The following SF3B3 variants were observed in gnomAD, a reference collection of about 807,000 sequenced individuals.
The protein encoded by SF3B3 is splicing factor 3b subunit 3.
SF3B3 carries 33 observed loss-of-function variants against 139.2 expected under a neutral mutation model. The ratio of observed to expected loss-of-function variants is 0.24; its 90% CI spans 0.18 to 0.32. The LOEUF (loss-of-function observed/expected upper bound fraction) is 0.32. Ranked by LOEUF, SF3B3 falls within the 10% of genes least tolerant of loss-of-function variation. SF3B3 has a pLI of 1.00. For missense variants in SF3B3, 818 were observed against 1,509.4 expected, an observed-to-expected ratio of 0.54 and a Z score of 7.59; for synonymous variants, 596 against 563.6, an observed-to-expected ratio of 1.06 and a Z score of -0.81.
At chr16:70,526,428 G>A (rs185304567) in intron 1 of SF3B3, among the ~76,000 whole-genome samples, 159 bp from the exon 2 acceptor site, 2 of 152,186 alleles carry the variant, frequency 1.3e-5, no homozygotes, top group South Asian at 2.1e-4. Flanking sequence ...AGCTGGTCTC[G>A]AACTCCTGAC....
Position 70,560,570 on chromosome 16 carries a change from C to G in SF3B3, c.2112C>G (p.Val704=). The G allele has an allele frequency of 6.2e-7, 1 of 1,613,704 alleles. No individual in the cohort carries two copies. The highest frequency in any genetic ancestry group is 8.5e-7 in the Non-Finnish European group (1 of 1,179,704). ...CCCGTCCTGTGAAGCTCTTCCGAGT[C>G]CGAATGCAAGGCCAGGAGGCAGTAA... ...LGSRPVKLFR[V]RMQGQEAVLA... Residue 704 remains valine (V), a synonymous_variant, in exon 16 of 26, where the codon GTC becomes GTG. Coordinates refer to ENST00000302516, the MANE Select transcript of SF3B3 (RefSeq NM_012426.5).
chr16:70,571,957 C>A lies in SF3B3; in HGVS notation c.*144C>A. ...ATGAAAGTCAACAGCTCTTTCCCCT[C>A]AGCTCTTCTCCTGGAATGACTGGCT... On this transcript the variant is annotated 3_prime_UTR_variant, in exon 26 of 26. Transcript: ENST00000302516. 1.0e-6 allele frequency: 1 copy of A among 979,330 alleles called. No homozygotes were observed. The highest frequency in any genetic ancestry group is 1.5e-6 in the Non-Finnish European group (1 of 656,430). 60.7% of individuals were successfully genotyped at this position (979,330 alleles called of 1,614,324 possible).
At chr16:70,553,193 A>G (rs1172221480) in intron 11 of SF3B3, among the ~76,000 whole-genome samples, 2 of 152,218 alleles carry the variant, frequency 1.3e-5, no homozygotes, top group African/African-American at 4.8e-5. Flanking sequence ...AAGTGCTGGG[A>G]TTACAGGCAT....
chr16:70,551,569 G>GC (rs1266318723), intron 11 of SF3B3, among the ~76,000 whole-genome samples: 2 of 152,164 alleles, frequency 1.3e-5, no homozygotes, highest in Non-Finnish European at 2.9e-5. Flanking sequence ...GGGTGTGGTG[G>GC]CACATGCCTG....
At chr16:70,563,170 A>G (rs1054198270) in intron 17 of SF3B3, among the ~76,000 whole-genome samples, 21 of 152,046 alleles carry the variant, frequency 1.4e-4, no homozygotes, top group Non-Finnish European at 3.1e-4. Context: ...GTGTTTCACC[A>G]TGTTACCCAG....
intron 2 of SF3B3, among the ~76,000 whole-genome samples, chr16:70,528,463 CCT>C (rs1491266857): frequency 1.8e-5 from 2 of 114,018 alleles, no homozygotes; most frequent in East Asian, 4.8e-4. Context: ...CTGTGCGTGG[CCT>C]TTTTTTTTTT....
At position 70,556,961 on chromosome 16, in the gene SF3B3, A is replaced by G. The variant is rs751935704; in HGVS notation, c.1942A>G (p.Thr648Ala). Residue 648 changes from threonine (T) to alanine (A), a missense_variant, in exon 15 of 26, where the codon ACT becomes GCT. Thr to Ala is a moderately conservative substitution (Grantham distance 58, BLOSUM62 0). Transcript: ENST00000302516. ...ESLCIVEMGG[T>A]EKQDELGERG... Reference sequence around the variant, plus strand: ...CTTGTGTATCGTGGAAATGGGTGGGACTGAGAAGCAGGATGAGCTGGGTGA... The same window carrying G: ...CTTGTGTATCGTGGAAATGGGTGGGGCTGAGAAGCAGGATGAGCTGGGTGA... The G allele has an allele frequency of 6.2e-7, 1 of 1,614,032 alleles. No homozygotes were observed. The highest frequency in any genetic ancestry group is 2.2e-5 in the East Asian group (1 of 44,878).
intron 9 of SF3B3, among the ~76,000 whole-genome samples, chr16:70,543,956 C>T (rs1490766112): frequency 6.6e-6 from 1 of 151,904 alleles, no homozygotes; most frequent in East Asian, 1.9e-4. Context: ...TGGGCTGAAG[C>T]GATTTTCCCA....
chr16:70,569,181 G>C, intron 23 of SF3B3, 40 bp downstream of exon 23: 1 of 1,416,136 alleles, frequency 7.1e-7, no homozygotes, highest in Admixed American at 1.9e-5. Flanking sequence ...ACACTGCTTA[G>C]CACTTTTCCT....
In SF3B3 at chr16:70,568,422, G is replaced by A. The variant is rs1432012892; in HGVS notation, c.3092G>A (p.Arg1031Gln). The A allele has an allele frequency of 1.5e-5, 25 of 1,614,014 alleles. No homozygotes were observed. The East Asian group carries it at 4.2e-4, about 27-fold the overall frequency. The change falls in exon 22 of 26, where the codon CGA becomes CAA. Residue 1031 changes from arginine (R) to glutamine (Q), a missense_variant. Coordinates refer to ENST00000302516, the MANE Select transcript of SF3B3 (RefSeq NM_012426.5). Reference sequence around the variant, plus strand: ...ATCTTTGCTGATGATACCTACCCCCGATGGGTCACTACAGCCAGCCTCCTG... The same window carrying A: ...ATCTTTGCTGATGATACCTACCCCCAATGGGTCACTACAGCCAGCCTCCTG... The part of the protein sequence containing the change: ...LIIFADDTYP[R>Q]WVTTASLLDY...
chr16:70,540,585 C>T (rs1215133167), intron 8 of SF3B3, among the ~76,000 whole-genome samples: 1 of 152,012 alleles, frequency 6.6e-6, no homozygotes, highest in Non-Finnish European at 1.5e-5. Flanking sequence ...AAGTCTCAAA[C>T]TTCTGGACTT....
At chr16:70,554,923 A>T in intron 12 of SF3B3, 128 bp from the exon 13 acceptor site, 1 of 865,924 alleles carries the variant, frequency 1.2e-6, no homozygotes, top group Non-Finnish European at 1.8e-6. Context: ...TTTGTCTTTG[A>T]TTCAACTGGT....
At chr16:70,567,628 T>C in intron 21 of SF3B3, 92 bp downstream of exon 21, 6 of 1,418,126 alleles carry the variant, frequency 4.2e-6, no homozygotes, top group South Asian at 1.4e-5. Context: ...TAAAATCTTA[T>C]CTTTATTAGG....
Position 70,571,828 on chromosome 16 carries a change from G to A in SF3B3, c.*15G>A. 1 of 1,605,628 alleles carries A rather than the reference G, an allele frequency of 6.2e-7. No homozygotes were observed. Among genetic ancestry groups the A allele is most frequent in the Non-Finnish European group, 8.5e-7 (1 of 1,177,120 alleles). Reference sequence around the variant, plus strand: ...ACGCCTTCTGAGCCCTCCTTTCCCGGTGGGGCTTGCCAGAGACTGTGTGTT... The same window carrying A: ...ACGCCTTCTGAGCCCTCCTTTCCCGATGGGGCTTGCCAGAGACTGTGTGTT... On this transcript the variant is annotated 3_prime_UTR_variant, in exon 26 of 26. Transcript: ENST00000302516.
At chr16:70,552,874 A>G (rs1394899880) in intron 11 of SF3B3, among the ~76,000 whole-genome samples, 1 of 152,184 alleles carries the variant, frequency 6.6e-6, no homozygotes, top group Non-Finnish European at 1.5e-5. Flanking sequence ...ACGTCCTGCT[A>G]ATAGGGCAGA....
intron 9 of SF3B3, among the ~76,000 whole-genome samples, chr16:70,542,138 T>C (rs2050224543): frequency 6.6e-6 from 1 of 152,014 alleles, no homozygotes; most frequent in Non-Finnish European, 1.5e-5. Flanking sequence ...GTCCGCTCCA[T>C]TGAGCCATAT....
chr16:70,529,801 G>T (rs1159185048), intron 3 of SF3B3, among the ~76,000 whole-genome samples: 2 of 151,974 alleles, frequency 1.3e-5, no homozygotes, highest in Non-Finnish European at 2.9e-5. Context: ...AAGAGATGGG[G>T]GTCTCAGCCG....
At chr16:70,525,982 G>GA (rs375606094) in intron 1 of SF3B3, among the ~76,000 whole-genome samples, 61 of 137,288 alleles carry the variant, frequency 4.4e-4, no homozygotes, top group Non-Finnish European at 5.9e-4. Context: ...AAAAAAAAAG[G>GA]AAAAAAAAAA....
In SF3B3 at chr16:70,541,639, C is replaced by T. The variant is rs146156535; in HGVS notation, c.1068-30C>T. 1,040 of 1,595,034 alleles carry T rather than the reference C, an allele frequency of 6.5e-4. 4 individuals are homozygous for T. The highest frequency in any genetic ancestry group is 3.3e-3 in the Middle Eastern group (20 of 5,980). ...TATCGTCAGGCAGAGAACTCGTTAC[C>T]GAAAGTTTCTCTCCTCTGCTTCTTC... On this transcript the variant is annotated intron_variant, in intron 8 of 25. Coordinates refer to ENST00000302516, the MANE Select transcript of SF3B3 (RefSeq NM_012426.5).
Sources: allele counts gnomAD v4.1 joint callset (sites outside exome capture counted in the v4.1 genomes callset), GRCh38; gene constraint gnomAD v4.1.1; transcripts MANE v1.5; gene names NCBI Gene and HGNC (gene_info 2026-07-23, HGNC 2026-07-21).